The following NUP153 variants were observed in gnomAD, a reference collection of about 807,000 sequenced individuals.
NUP153 encodes the protein nucleoporin 153, also known as nuclear pore complex protein Nup153.
Under a neutral mutation model 134.6 loss-of-function variants are expected in NUP153, and 27 were observed. The observed-to-expected ratio is 0.20, with a 90% CI of 0.15 to 0.28. NUP153 has a LOEUF of 0.28. Among genes scored for constraint, NUP153 ranks in the 10% least tolerant of loss-of-function variants. The pLI is 1.00. For missense variants in NUP153, 1,821 were observed against 1,731.3 expected (o/e 1.05, Z -0.92); for synonymous variants, 640 against 623.5 (o/e 1.03, Z -0.40).
In NUP153 at chr6:17,619,796, A is replaced by C. The variant is rs1221489170; in HGVS notation, c.4175-3101T>G. Among the ~76,000 whole-genome samples, 7 of 152,118 alleles carry C rather than the reference A, an allele frequency of 4.6e-5. No individual in the cohort carries two copies. In the East Asian group the frequency reaches 1.3e-3, roughly 29 times the overall value. ...ACCAAAAATACCAATGACATTCTCCATAGAAATAGAAACATATCCGGCCAG... is the reference window on the plus strand; with the variant it reads ...ACCAAAAATACCAATGACATTCTCCCTAGAAATAGAAACATATCCGGCCAG... On this transcript the variant is annotated intron_variant, in intron 20 of 21. Coordinates refer to ENST00000262077, the MANE Select transcript of NUP153 (RefSeq NM_005124.4).
At chr6:17,676,509 AT>A (rs1321809700) in intron 2 of NUP153, among the ~76,000 whole-genome samples, 8 of 152,134 alleles carry the variant, frequency 5.3e-5, no homozygotes, top group Non-Finnish European at 8.8e-5. Context: ...AAAATAAATC[AT>A]TTTTCAGAAT....
intron 2 of NUP153, among the ~76,000 whole-genome samples, chr6:17,685,884 A>G (rs1768893329): frequency 6.6e-6 from 1 of 152,028 alleles, no homozygotes; most frequent in South Asian, 2.1e-4. Context: ...GTGGTGGCTC[A>G]CACCTGTAAT....
Position 17,638,814 on chromosome 6 carries a change from T to C in NUP153, c.1847-1044A>G, listed in dbSNP as rs1765690908. On this transcript the variant is annotated intron_variant, in intron 15 of 21. Coordinates refer to ENST00000262077, the MANE Select transcript of NUP153 (RefSeq NM_005124.4). The surrounding 1 kb of genome is among the most constrained non-coding windows in gnomAD (Gnocchi z 4.0). Reference sequence around the variant, plus strand: ...GAGGCTTGCCTACTACTTGGTTAATTCCAGCACAAGCACTCTGGAGTTCTA... The same window carrying C: ...GAGGCTTGCCTACTACTTGGTTAATCCCAGCACAAGCACTCTGGAGTTCTA... 6.6e-6 allele frequency among the ~76,000 whole-genome samples: 1 copy of C among 152,162 alleles called. No homozygotes were observed. Among genetic ancestry groups the C allele is most frequent in the African/African-American group, 2.4e-5 (1 of 41,438 alleles).
intron 5 of NUP153, among the ~76,000 whole-genome samples, chr6:17,673,342 A>C (rs1768029146): frequency 6.6e-6 from 1 of 152,142 alleles, no homozygotes; most frequent in Admixed American, 6.5e-5. Context: ...ACAGCACAAG[A>C]CCTGTCTCAG....
rs538321191 is a variant in NUP153 at position 17,618,605 on chromosome 6, G to A, written c.4175-1910C>T. On this transcript the variant is annotated intron_variant, in intron 20 of 21. Coordinates refer to ENST00000262077, the MANE Select transcript of NUP153 (RefSeq NM_005124.4). ...TTTAAAGATGGAGTCTGGCTCTGTT[G>A]CCCAGGCTGGAGTGCAGTGGCACGG... 1.6e-4 allele frequency among the ~76,000 whole-genome samples: 23 copies of A among 143,034 alleles called. No homozygotes were observed. In the South Asian group the frequency reaches 3.5e-3, roughly 22 times the overall value. The allele number at this position is 143,034 out of a possible 152,430, so 93.8% of individuals were successfully genotyped here.
intron 2 of NUP153, among the ~76,000 whole-genome samples, chr6:17,679,485 A>G (rs1255200847): frequency 6.6e-6 from 1 of 152,244 alleles, no homozygotes; most frequent in African/African-American, 2.4e-5. Flanking sequence ...TGTAAATCCC[A>G]AAGACATTTT....
chr6:17,643,308 C>T (rs1290763876), intron 14 of NUP153, among the ~76,000 whole-genome samples: 1 of 152,152 alleles, frequency 6.6e-6, no homozygotes, highest in Non-Finnish European at 1.5e-5. Flanking sequence ...CCCTTCTCTA[C>T]TAAAAATACA....
intron 17 of NUP153, among the ~76,000 whole-genome samples, chr6:17,631,226 A>G (rs1765236548): frequency 6.8e-6 from 1 of 146,240 alleles, no homozygotes. Context: ...TTTGCAAAAC[A>G]GATTTCAATC....
chr6:17,694,982 GAAA>G (rs11417761), intron 1 of NUP153, among the ~76,000 whole-genome samples: 1 of 149,080 alleles, frequency 6.7e-6, no homozygotes, highest in Non-Finnish European at 1.5e-5. Context: ...CTGTCTCAAG[GAAA>G]AAAAAAAAGA....
intron 11 of NUP153, among the ~76,000 whole-genome samples, chr6:17,653,856 AC>A (rs1200577950): frequency 6.6e-6 from 1 of 152,340 alleles, no homozygotes; most frequent in East Asian, 1.9e-4. Context: ...TAAATGGCAC[AC>A]CTAAGAATTT....
At chr6:17,627,751 A>T (rs1251217793) in intron 18 of NUP153, among the ~76,000 whole-genome samples, 1 of 152,198 alleles carries the variant, frequency 6.6e-6, no homozygotes, top group Admixed American at 6.5e-5. Flanking sequence ...TTAGCATGTG[A>T]TGTTACAAAT....
chr6:17,624,848 AAAC>A lies in NUP153; in HGVS notation c.3902-18_3902-16del. 6.4e-7 allele frequency: 1 copy of A among 1,570,610 alleles called. No homozygotes were observed. Among genetic ancestry groups the A allele is most frequent in the African/African-American group, 1.4e-5 (1 of 73,904 alleles). Reference sequence around the variant, plus strand: ...AAAGGAGGATCCTGGAGGCCCAAAGAAACACTTAAGTCACCATGGTGGCTAATG... The same window carrying A: ...AAAGGAGGATCCTGGAGGCCCAAAGAACTTAAGTCACCATGGTGGCTAATG... On this transcript the variant is annotated splice_polypyrimidine_tract_variant and intron_variant, in intron 19 of 21. Coordinates refer to ENST00000262077, the MANE Select transcript of NUP153 (RefSeq NM_005124.4).
chr6:17,664,378 T>C (rs572181200), intron 9 of NUP153, among the ~76,000 whole-genome samples: 6 of 152,290 alleles, frequency 3.9e-5, no homozygotes, highest in South Asian at 2.1e-4. Flanking sequence ...TTGTATGATA[T>C]GTGAATTATC....
rs967711880 is a variant in NUP153, at chr6:17,706,162, C to A, written c.111+115G>T. The stretch of plus-strand genomic sequence containing the variant: ...GAGCTCCCCCGGAGCCTCACTCGGG[C>A]CTTTCCTCAGGCCCTCCTGTCTGCT... On this transcript the variant is annotated intron_variant, in intron 1 of 21. Coordinates refer to ENST00000262077, the MANE Select transcript of NUP153 (RefSeq NM_005124.4). The surrounding 1 kb of genome is among the most constrained non-coding windows in gnomAD (Gnocchi z 5.9). 42 of 825,500 alleles carry A rather than the reference C, an allele frequency of 5.1e-5. No homozygotes were observed. Among genetic ancestry groups the A allele is most frequent in the Middle Eastern group, 2.8e-4 (1 of 3,612 alleles). The allele number at this position is 825,500 out of a possible 1,614,324, so 51.1% of individuals were successfully genotyped here.
intron 16 of NUP153, among the ~76,000 whole-genome samples, chr6:17,633,954 A>G (rs1765391039): frequency 6.6e-6 from 1 of 152,184 alleles, no homozygotes; most frequent in African/African-American, 2.4e-5. Flanking sequence ...TACACCTGCA[A>G]TCTACACTTC....
At position 17,632,756 on chromosome 6, in the gene NUP153, G is replaced by A. The variant is rs182162021; in HGVS notation, c.2553C>T (p.Pro851=). The A allele has an allele frequency of 6.7e-5, 108 of 1,609,570 alleles. No individual in the cohort carries two copies. The African/African-American group carries it at 1.0e-3, about 16-fold the overall frequency. ...GSLGLEKFKK[P]EGSWDCELCL... ...ACAATTCACAGTCCCAGCTTCCCTC[G>A]GGTTTCTTGAACTTTTCCAATCCTA... The change falls in exon 17 of 22, where the codon CCC becomes CCT. Residue 851 remains proline, a synonymous_variant. Coordinates refer to ENST00000262077, the MANE Select transcript of NUP153 (RefSeq NM_005124.4).
intron 13 of NUP153, 72 bp from the exon 14 acceptor site, chr6:17,646,226 G>A (rs1282032923): frequency 6.1e-5 from 47 of 768,660 alleles, no homozygotes; most frequent in South Asian, 5.3e-4. Flanking sequence ...TTATTCCCCC[G>A]AGACGGAGTC....
chr6:17,692,541 G>C (rs1357354094), intron 1 of NUP153, among the ~76,000 whole-genome samples: 2 of 152,068 alleles, frequency 1.3e-5, no homozygotes, highest in Non-Finnish European at 2.9e-5. Flanking sequence ...AAAGGAGGGA[G>C]GATGGGAAGA....
intron 12 of NUP153, among the ~76,000 whole-genome samples, chr6:17,648,790 G>A (rs771092681): frequency 3.7e-5 from 5 of 135,410 alleles, no homozygotes; most frequent in South Asian, 6.1e-4. Flanking sequence ...GCAATACAGC[G>A]AGACACCATC....
Sources: gnomAD v4.1 joint callset for allele counts (sites outside exome capture counted in the v4.1 genomes callset) on GRCh38, gnomAD v4.1.1 for gene constraint, Gnocchi (gnomAD v3.1) non-coding constraint, MANE v1.5 for transcripts, NCBI Gene and HGNC (gene_info 2026-07-23, HGNC 2026-07-21) for gene names.